The following SHANK2 variants were observed in gnomAD, a reference collection of about 807,000 sequenced individuals.
SHANK2 encodes the protein SH3 and multiple ankyrin repeat domains 2, also known as SH3 and multiple ankyrin repeat domains protein 2.
A neutral mutation model predicts 133.7 loss-of-function variants in SHANK2; 43 were observed. That is an observed-to-expected ratio of 0.32 (90% CI 0.25 to 0.41). SHANK2 has a LOEUF of 0.41. SHANK2 is among the 10% of genes least tolerant of loss of function. The probability of loss-of-function intolerance (pLI) is 1.00; values close to 1 mark genes in which losing one functional copy is unlikely to be tolerated. For synonymous variants in SHANK2, 1,017 were observed against 952.8 expected (o/e 1.07, Z -1.24); for missense variants, 1,994 against 2,235.8 (o/e 0.89, Z 2.18).
intron 8 of SHANK2, among the ~76,000 whole-genome samples, chr11:71,081,174 A>G (rs1329107638): frequency 1.3e-5 from 2 of 152,186 alleles, no homozygotes; most frequent in Non-Finnish European, 2.9e-5. Flanking sequence ...GAAGATGCAG[A>G]GAAAAGGCGG....
intron 3 of SHANK2, among the ~76,000 whole-genome samples, chr11:71,126,216 CA>C (rs1170621448): frequency 1.6e-4 from 10 of 64,436 alleles, no homozygotes; most frequent in African/African-American, 3.6e-4. Flanking sequence ...GACTCCGTCT[CA>C]AAAAAAAAAA....
intron 6 of SHANK2, among the ~76,000 whole-genome samples, chr11:71,108,594 G>A (rs11820282): frequency 0.028 from 4,219 of 152,254 alleles, 189 homozygotes; most frequent in African/African-American, 0.096. Flanking sequence ...GACCTCCAGC[G>A]GAAGCCCAGC....
intron 10 of SHANK2, chr11:70,950,053 G>A: frequency 2.2e-6 from 1 of 456,668 alleles, no homozygotes; most frequent in South Asian, 1.5e-5. Flanking sequence ...AGACAAGGCA[G>A]TTGCCTTCAG....
At chr11:70,657,110 A>G (rs2061414650) in intron 17 of SHANK2, among the ~76,000 whole-genome samples, 1 of 152,222 alleles carries the variant, frequency 6.6e-6, no homozygotes. Flanking sequence ...TTAAAGAGAA[A>G]ATAAAAATCT....
chr11:71,116,834 T>C (rs1161635326), intron 4 of SHANK2, among the ~76,000 whole-genome samples: 1 of 152,120 alleles, frequency 6.6e-6, no homozygotes, highest in Non-Finnish European at 1.5e-5. Context: ...AGCCAGGAAC[T>C]ACTCCTCCCC....
chr11:70,707,892 A>G (rs1945700109), intron 14 of SHANK2, among the ~76,000 whole-genome samples: 1 of 152,134 alleles, frequency 6.6e-6, no homozygotes, highest in Non-Finnish European at 1.5e-5. Flanking sequence ...CGCCCCAGTT[A>G]CAGAGGGCTG....
chr11:71,251,953 G>C (rs1297713696), intron 1 of SHANK2, among the ~76,000 whole-genome samples: 1 of 152,056 alleles, frequency 6.6e-6, no homozygotes, highest in Admixed American at 6.5e-5. Context: ...CCCCGCGCCG[G>C]CTCCTCCGCT....
chr11:70,662,180 T>A (rs1944566230), intron 15 of SHANK2: 1 of 282,308 alleles, frequency 3.5e-6, no homozygotes, highest in African/African-American at 2.2e-5. Flanking sequence ...GTTTTGCTTT[T>A]CCTTGAAGGG....
At chr11:70,616,673 G>T (rs2060746146) in intron 17 of SHANK2, among the ~76,000 whole-genome samples, 1 of 152,152 alleles carries the variant, frequency 6.6e-6, no homozygotes, top group Admixed American at 6.5e-5. Context: ...AGGCAGGGTG[G>T]GGTGTGGGGG....
At chr11:71,238,953 G>A (rs1235483696) in intron 1 of SHANK2, among the ~76,000 whole-genome samples, 3 of 152,236 alleles carry the variant, frequency 2.0e-5, no homozygotes, top group African/African-American at 2.4e-5. Context: ...AAGGTGGGAC[G>A]AGAGATTTGG....
At chr11:70,612,057 C>A (rs545406997) in intron 17 of SHANK2, among the ~76,000 whole-genome samples, 5 of 151,890 alleles carry the variant, frequency 3.3e-5, no homozygotes, top group Non-Finnish European at 5.9e-5. Flanking sequence ...AAGGAGGCGG[C>A]GTCCGGGCGT....
intron 18 of SHANK2, 43 bp downstream of exon 18, chr11:70,502,753 C>CCCAT: frequency 2.9e-6 from 4 of 1,390,684 alleles, no homozygotes; most frequent in South Asian, 2.6e-5. Flanking sequence ...CCCCCCCCCC[C>CCCAT]AGTAGGGCCC....
At chr11:70,747,648 A>T (rs191223586) in intron 14 of SHANK2, among the ~76,000 whole-genome samples, 1 of 152,186 alleles carries the variant, frequency 6.6e-6, no homozygotes, top group Non-Finnish European at 1.5e-5. Flanking sequence ...CCAGGCCCCA[A>T]TTCCATGCTG....
At chr11:70,903,430 TAAAATAAAATAAAATAAAATA>T (rs1950053656) in intron 10 of SHANK2, among the ~76,000 whole-genome samples, 3 of 150,194 alleles carry the variant, frequency 2.0e-5, no homozygotes, top group African/African-American at 7.3e-5. Context: ...TAAAATAAAA[TAAAATAAAATAAAATAAAATA>T]AAATAGCATT....
chr11:70,611,412 C>A (rs781891678), intron 17 of SHANK2, among the ~76,000 whole-genome samples: 2 of 152,206 alleles, frequency 1.3e-5, no homozygotes, highest in East Asian at 3.9e-4. Flanking sequence ...CAGCCAGAGC[C>A]CTGGGCTGCT....
At chr11:71,152,343 A>G (rs1374126592) in intron 2 of SHANK2, among the ~76,000 whole-genome samples, 2 of 152,086 alleles carry the variant, frequency 1.3e-5, no homozygotes, top group African/African-American at 4.8e-5. Flanking sequence ...CAAACTCCTG[A>G]CCTCAAGTGA....
At chr11:71,094,733 A>G (rs1555095025) in intron 6 of SHANK2, 45 bp from the exon 7 acceptor site, 2 of 1,535,300 alleles carry the variant, frequency 1.3e-6, no homozygotes, top group East Asian at 4.9e-5. Context: ...CATTTGTCAC[A>G]CTGCTCACAA....
At chr11:71,111,058 T>C (rs1951884860) in intron 5 of SHANK2, among the ~76,000 whole-genome samples, 1 of 152,252 alleles carries the variant, frequency 6.6e-6, no homozygotes, top group South Asian at 2.1e-4. Context: ...AACCTGCCGA[T>C]GCCACGATCT....
chr11:70,602,087 C>G (rs894310191), intron 17 of SHANK2, among the ~76,000 whole-genome samples: 1 of 152,164 alleles, frequency 6.6e-6, no homozygotes, highest in Non-Finnish European at 1.5e-5. Context: ...GTGAGTTCTC[C>G]GGAGCTCTGG....
Sources: gnomAD v4.1 joint callset for allele counts (sites outside exome capture counted in the v4.1 genomes callset) on GRCh38, gnomAD v4.1.1 for gene constraint, MANE v1.5 for transcripts, NCBI Gene and HGNC (gene_info 2026-07-23, HGNC 2026-07-21) for gene names.